GPR173: variants seen among roughly 807,000 people sequenced by gnomAD.
GPR173 encodes G protein-coupled receptor 173, also known as probable G protein-coupled receptor 173.
A neutral mutation model predicts 13.9 loss-of-function variants in GPR173; 2 were observed. The observed-to-expected ratio is 0.14, with a 90% confidence interval of 0.06 to 0.45. GPR173 has a LOEUF of 0.45. Among genes scored for constraint, GPR173 ranks in the 20% least tolerant of loss-of-function variants. The pLI, the probability that GPR173 is intolerant of heterozygous loss-of-function variation, is 0.98. For synonymous variants in GPR173, 131 were observed against 141.0 expected, an observed-to-expected ratio of 0.93 and a Z score of 0.50; for missense variants, 202 against 340.5, an observed-to-expected ratio of 0.59 and a Z score of 3.20.
chrX:53,055,100 C>G (rs1246245398), intron 1 of GPR173, among the ~76,000 whole-genome samples: 1 of 107,704 alleles, frequency 9.3e-6, no homozygotes, highest in Non-Finnish European at 1.9e-5. Flanking sequence ...GTGAGTAGAT[C>G]TGGCTGATGG....
At chrX:53,063,630 A>T (rs1556804001) in intron 1 of GPR173, among the ~76,000 whole-genome samples, 1 of 111,193 alleles carries the variant, frequency 9.0e-6, no homozygotes, top group Non-Finnish European at 1.9e-5. Context: ...TTTTTCTCTC[A>T]TTTTGCTGTA....
chrX:53,077,989 A>C lies in GPR173; in HGVS notation c.*246A>C. The stretch of plus-strand genomic sequence containing the variant: ...CTCCGCTGCCTCCTTCTCCACTTCT[A>C]CAATCTCATTCTCTCTCTCTCTCTC... On this transcript the variant is annotated 3_prime_UTR_variant, in exon 2 of 2. Coordinates refer to ENST00000332582, the MANE Select transcript of GPR173 (RefSeq NM_018969.6). 2.6e-6 allele frequency: 1 copy of C among 383,409 alleles called. No individual in the cohort carries two copies. The allele number at this position is 383,409 out of a possible 1,213,427, so 31.6% of individuals were successfully genotyped here. A position where few individuals can be genotyped will look rare whatever the true frequency, so the allele number is the denominator to read the frequency against.
intron 1 of GPR173, 83 bp from the exon 2 acceptor site, chrX:53,076,442 T>C: frequency 5.0e-6 from 2 of 396,194 alleles, no homozygotes; most frequent in South Asian, 1.1e-4. Flanking sequence ...GTCTCTCTCT[T>C]GCCCTCATCT....
At chrX:53,059,462 G>A (rs1191367393) in intron 1 of GPR173, among the ~76,000 whole-genome samples, 1 of 106,803 alleles carries the variant, frequency 9.4e-6, no homozygotes, top group East Asian at 3.0e-4. Context: ...CAATTTAGCT[G>A]TATAAGATTA....
Position 53,076,563 on chromosome X carries a change from C to G in GPR173, c.-59C>G. On this transcript the variant is annotated 5_prime_UTR_variant, in exon 2 of 2. Coordinates refer to ENST00000332582, the MANE Select transcript of GPR173 (RefSeq NM_018969.6). ...GGACAACTCATGGAGCCCCCCCGGGCCCATCGAGTACCGGACTGGCTGACC... is the reference window on the plus strand; with the variant it reads ...GGACAACTCATGGAGCCCCCCCGGGGCCATCGAGTACCGGACTGGCTGACC... 1.0e-6 allele frequency: 1 copy of G among 990,695 alleles called. No homozygotes were observed. Among genetic ancestry groups the G allele is most frequent in the Non-Finnish European group, 1.4e-6 (1 of 725,172 alleles). The allele number at this position is 990,695 out of a possible 1,213,427, so 81.6% of individuals were successfully genotyped here.
At chrX:53,054,015 GA>G (rs1387856398) in intron 1 of GPR173, among the ~76,000 whole-genome samples, 1 of 112,460 alleles carries the variant, frequency 8.9e-6, no homozygotes, top group Non-Finnish European at 1.9e-5. Context: ...GCCCAGAGTA[GA>G]GTGGCATTGT....
chrX:53,064,571 C>CA (rs1179990469), intron 1 of GPR173, among the ~76,000 whole-genome samples: 54 of 96,719 alleles, frequency 5.6e-4, no homozygotes, highest in Middle Eastern at 0.01. Flanking sequence ...GACTCTGTCT[C>CA]AAAAAAAAAA....
At position 53,074,114 on chromosome X, in the gene GPR173, T is replaced by TATATTTATTCA. The variant is rs1556805314; in HGVS notation, c.-97-2411_-97-2410insATATTTATTCA. Among the ~76,000 whole-genome samples, 5 of 15,992 alleles carry TATATTTATTCA rather than the reference T, an allele frequency of 3.1e-4. 2 individuals are homozygous for TATATTTATTCA. The highest frequency in any genetic ancestry group is 2.2e-3 in the Admixed American group (2 of 919). 13.9% of individuals were successfully genotyped at this position (15,992 alleles called of 115,157 possible). On this transcript the variant is annotated intron_variant, in intron 1 of 1. Transcript: ENST00000332582. ...TATATATAAATATATAAATATACAT[T>TATATTTATTCA]TATATAAATATATATAAATATACAT...
At chrX:53,052,209 CA>C (rs1931966581) in intron 1 of GPR173, among the ~76,000 whole-genome samples, 2 of 111,119 alleles carry the variant, frequency 1.8e-5, no homozygotes, top group Admixed American at 1.9e-4. Flanking sequence ...TACATGTGCA[CA>C]TTTGATTATG....
At position 53,077,734 on chromosome X, in the gene GPR173, T is replaced by C; in HGVS notation, c.1113T>C (p.Cys371=). Residue 371 remains cysteine (C), a synonymous_variant, in exon 2 of 2, where the codon TGT becomes TGC. Coordinates refer to ENST00000332582, the MANE Select transcript of GPR173 (RefSeq NM_018969.6). ...CCCCGGCTCCCAGAGAACCCTACTG[T>C]GTCATGTGAAGCAGGCTGGTAGGCA... ...GGAPAPREPY[C]VM is the part of the protein sequence containing the mutation. 2.5e-6 allele frequency: 3 copies of C among 1,204,879 alleles called. No homozygotes were observed. The highest frequency in any genetic ancestry group is 3.4e-6 in the Non-Finnish European group (3 of 891,276).
intron 1 of GPR173, among the ~76,000 whole-genome samples, chrX:53,056,511 TGTGA>T (rs1417784610): frequency 9.1e-6 from 1 of 110,161 alleles, no homozygotes; most frequent in Non-Finnish European, 1.9e-5. Context: ...TGGGTGTGTG[TGTGA>T]GTGTGAGTGA....
At chrX:53,055,146 G>T (rs1407456228) in intron 1 of GPR173, among the ~76,000 whole-genome samples, 3 of 109,728 alleles carry the variant, frequency 2.7e-5, no homozygotes, top group Non-Finnish European at 5.7e-5. Flanking sequence ...GATTGTGTTT[G>T]TGTGTGAGAG....
At chrX:53,073,171 G>C (rs1932287685) in intron 1 of GPR173, among the ~76,000 whole-genome samples, 1 of 107,064 alleles carries the variant, frequency 9.3e-6, no homozygotes. Context: ...GTTGCAGTGA[G>C]CTGAGATTCT....
chrX:53,065,477 G>A (rs911738818), intron 1 of GPR173: 1 of 111,842 alleles, frequency 8.9e-6, no homozygotes, highest in Non-Finnish European at 1.9e-5. Context: ...TTAAGAAATG[G>A]AACAACTGCT....
intron 1 of GPR173, among the ~76,000 whole-genome samples, chrX:53,064,334 C>T (rs900487074): frequency 7.2e-5 from 8 of 111,493 alleles, no homozygotes; most frequent in African/African-American, 2.6e-4. Flanking sequence ...TTTGGTAGGC[C>T]AAGGCGGGAG....
chrX:53,072,742 A>G (rs1932279434), intron 1 of GPR173, among the ~76,000 whole-genome samples: 1 of 111,101 alleles, frequency 9.0e-6, no homozygotes, highest in East Asian at 2.8e-4. Flanking sequence ...AGAGAGAGAG[A>G]AAGAGAGTAA....
At chrX:53,051,353 CTTTT>C (rs1556802655) in intron 1 of GPR173, among the ~76,000 whole-genome samples, 2 of 111,000 alleles carry the variant, frequency 1.8e-5, no homozygotes, top group African/African-American at 6.6e-5. Flanking sequence ...ATAAAGTAGA[CTTTT>C]CTGAAGAAGC....
chrX:53,071,611 A>G (rs1006711307), intron 1 of GPR173, among the ~76,000 whole-genome samples: 8 of 112,156 alleles, frequency 7.1e-5, no homozygotes, highest in African/African-American at 9.7e-5. Context: ...CTGGATGGCC[A>G]ACATCCTCCC....
At position 53,076,645 on chromosome X, in the gene GPR173, T is replaced by C; in HGVS notation, c.24T>C (p.Pro8=). The C allele has an allele frequency of 8.4e-7, 1 of 1,194,234 alleles. No homozygotes were observed. Among genetic ancestry groups the C allele is most frequent in the East Asian group, 3.0e-5 (1 of 33,578 alleles). Residue 8 remains proline (P), a synonymous_variant, in exon 2 of 2, where the codon CCT becomes CCC. Coordinates refer to ENST00000332582, the MANE Select transcript of GPR173 (RefSeq NM_018969.6). The part of the protein sequence containing the change: MANTTGE[P]EEVSGALSPP... Reference sequence around the variant, plus strand: ...GTATGGCCAACACTACCGGAGAGCCTGAGGAGGTGAGCGGCGCTCTGTCCC... The same window carrying C: ...GTATGGCCAACACTACCGGAGAGCCCGAGGAGGTGAGCGGCGCTCTGTCCC...
Sources: gnomAD v4.1 joint callset for allele counts (sites outside exome capture counted in the v4.1 genomes callset) on GRCh38, gnomAD v4.1.1 for gene constraint, MANE v1.5 for transcripts, NCBI Gene and HGNC (gene_info 2026-07-23, HGNC 2026-07-21) for gene names.